GAA: variants seen among roughly 807,000 people sequenced by gnomAD.
The protein encoded by GAA is alpha glucosidase.
In GAA, 88 loss-of-function variants were observed where a neutral mutation model predicts 103.9. The ratio of observed to expected loss-of-function variants is 0.85; its 90% CI spans 0.71 to 1.01. The LOEUF (loss-of-function observed/expected upper bound fraction) is 1.01. Among genes scored for constraint, GAA ranks in the 50% least tolerant of loss-of-function variants. The probability of loss-of-function intolerance (pLI) is 0.00; values close to 1 mark genes in which losing one functional copy is unlikely to be tolerated. For synonymous variants in GAA, 572 were observed against 563.1 expected (o/e 1.02, Z -0.22); for missense variants, 1,350 against 1,305.3 (o/e 1.03, Z -0.53).
rs1005159893 is a variant in GAA at position 80,119,753 on chromosome 17, C to T, written c.*422C>T. On this transcript the variant is annotated 3_prime_UTR_variant, in exon 20 of 20. Transcript: ENST00000302262. ...GCTCTGCCCCAACGCGACCGCTGCCCGGCTGCCCAGAGGGCTGGATGCCTG... is the reference window on the plus strand; with the variant it reads ...GCTCTGCCCCAACGCGACCGCTGCCTGGCTGCCCAGAGGGCTGGATGCCTG... The T allele has an allele frequency of 8.6e-6, 2 of 232,560 alleles. No individual in the cohort carries two copies. Among genetic ancestry groups the T allele is most frequent in the Non-Finnish European group, 1.7e-5 (2 of 115,500 alleles). 14.4% of individuals were successfully genotyped at this position (232,560 alleles called of 1,614,324 possible).
intron 3 of GAA, 85 bp downstream of exon 3, chr17:80,105,979 T>G (rs1043523988): frequency 2.4e-5 from 36 of 1,489,256 alleles, no homozygotes; most frequent in Non-Finnish European, 3.1e-5. Context: ...CGTTTGTTTC[T>G]CACACGATGG....
chr17:80,106,825 G>A (rs2039098930), intron 3 of GAA, among the ~76,000 whole-genome samples: 1 of 152,234 alleles, frequency 6.6e-6, no homozygotes, highest in South Asian at 2.1e-4. Context: ...AGGAGGCTGA[G>A]GCAAGAGGAT....
In GAA at chr17:80,112,648, T is replaced by C. The variant is rs778892297; in HGVS notation, c.1825T>C (p.Tyr609His). Residue 609 changes from tyrosine to histidine, a missense_variant, in exon 13 of 20, where the codon TAC (tyrosine) becomes CAC (histidine). By Grantham distance (83) the Tyr-to-His change is moderately conservative. Coordinates refer to ENST00000302262, the MANE Select transcript of GAA (RefSeq NM_000152.5). ...SRSTFAGHGR[Y>H]AGHWTGDVWS... ...CTCGACCTTTGCTGGCCACGGCCGA[T>C]ACGCCGGCCACTGGACGGGGGACGT... is the stretch of plus-strand genomic sequence containing the variant. 3.9e-5 allele frequency: 63 copies of C among 1,612,610 alleles called. No individual in the cohort carries two copies. The highest frequency in any genetic ancestry group is 5.1e-5 in the Non-Finnish European group (60 of 1,179,906).
chr17:80,107,047 G>A (rs951183651), intron 3 of GAA, among the ~76,000 whole-genome samples: 6 of 152,190 alleles, frequency 3.9e-5, no homozygotes, highest in East Asian at 3.9e-4. Flanking sequence ...AACAGAGGAC[G>A]CGTCTTCCTG....
chr17:80,119,683 G>A lies in GAA; in HGVS notation c.*352G>A, dbSNP rs1176942646. 4 of 357,074 alleles carry A rather than the reference G, an allele frequency of 1.1e-5. No homozygotes were observed. Among genetic ancestry groups the A allele is most frequent in the Non-Finnish European group, 2.2e-5 (4 of 182,914 alleles). The allele number at this position is 357,074 out of a possible 1,614,324, so 22.1% of individuals were successfully genotyped here. On this transcript the variant is annotated 3_prime_UTR_variant, in exon 20 of 20. Transcript: ENST00000302262. ...CAGCACCGGAGAAGGGGGTGCTCAGGTGGAGGTGTGGGGTATGCACCTGAG... is the reference window on the plus strand; with the variant it reads ...CAGCACCGGAGAAGGGGGTGCTCAGATGGAGGTGTGGGGTATGCACCTGAG...
intron 15 of GAA, 157 bp from the exon 16 acceptor site, chr17:80,116,811 C>A: frequency 1.3e-6 from 1 of 746,492 alleles, no homozygotes; most frequent in Non-Finnish European, 2.3e-6. Context: ...CTGCTGGAAT[C>A]ATCCCTGCCC....
At chr17:80,105,995 G>A (rs903576981) in intron 3 of GAA, 101 bp downstream of exon 3, 35 of 1,452,960 alleles carry the variant, frequency 2.4e-5, no homozygotes, top group Non-Finnish European at 3.1e-5. Flanking sequence ...GATGGGCAGG[G>A]CGACACATGT....
In GAA at chr17:80,105,798, A is replaced by G. The variant is rs1042393; in HGVS notation, c.596A>G (p.His199Arg). The G allele has an allele frequency of 0.71, 1,137,205 of 1,610,784 alleles. 405,359 individuals are homozygous for G. Among genetic ancestry groups the G allele is most frequent in the Middle Eastern group, 0.8 (4,837 of 6,050 alleles). The change falls in exon 3 of 20, where the codon CAT becomes CGT. Residue 199 changes from histidine (H) to arginine (R), a missense_variant. His to Arg is a conservative substitution (Grantham distance 29, BLOSUM62 0). Coordinates refer to ENST00000302262, the MANE Select transcript of GAA (RefSeq NM_000152.5). The stretch of plus-strand genomic sequence containing the variant: ...TACGAGGTGCCCTTGGAGACCCCGC[A>G]TGTCCACAGCCGGGCACCGTCCCCA... ...RRYEVPLETP[H>R]VHSRAPSPLY...
intron 3 of GAA, among the ~76,000 whole-genome samples, chr17:80,106,953 G>A (rs1294026141): frequency 5.9e-5 from 9 of 152,182 alleles, no homozygotes; most frequent in Non-Finnish European, 1.2e-4. Context: ...TCAGATCTCG[G>A]TCTTGAAAGC....
rs750668627 is a variant in GAA at position 80,104,947 on chromosome 17, C to T, written c.361C>T (p.Gln121Ter). 1.2e-6 allele frequency: 2 copies of T among 1,612,468 alleles called. No individual in the cohort carries two copies. Among genetic ancestry groups the T allele is most frequent in the Non-Finnish European group, 1.7e-6 (2 of 1,179,816 alleles). ...IPAKQGLQGAQMGQPWCFFPP... is the reference protein window; with the variant it reads ...IPAKQGLQGA ...TGCAAAGCAGGGGCTGCAGGGAGCC[C>T]AGATGGGGCAGCCCTGGTGCTTCTT... Residue 121 changes from glutamine to a stop codon, truncating the protein, a stop_gained, in exon 2 of 20, where the codon CAG (glutamine) becomes TAG (stop). Transcript: ENST00000302262. LOFTEE classifies it high-confidence loss of function. This position sits in a 1 kb window ranked among gnomAD's most constrained non-coding sequence, Gnocchi z 4.0.
intron 4 of GAA, 27 bp from the exon 5 acceptor site, chr17:80,107,773 T>C: frequency 6.2e-7 from 1 of 1,609,802 alleles, no homozygotes; most frequent in Non-Finnish European, 8.5e-7. Context: ...GCGCAGGTGC[T>C]GAAGCGCCGT....
chr17:80,108,894 G>T, intron 8 of GAA, 66 bp downstream of exon 8: 1 of 1,522,078 alleles, frequency 6.6e-7, no homozygotes, highest in Non-Finnish European at 8.9e-7. Flanking sequence ...CTCCTTCTCT[G>T]TGCAGCGTCA....
intron 15 of GAA, among the ~76,000 whole-genome samples, chr17:80,113,873 C>T (rs182456561): frequency 1.4e-5 from 2 of 147,722 alleles, no homozygotes; most frequent in Admixed American, 6.7e-5. Context: ...CAAAAATTAG[C>T]CGTGCATGGT....
At chr17:80,118,417 G>A (rs1169576173) in intron 18 of GAA, 60 bp downstream of exon 18, 1 of 1,555,550 alleles carries the variant, frequency 6.4e-7, no homozygotes, top group African/African-American at 1.3e-5. Flanking sequence ...GAGAAGGGGT[G>A]AGGGGACCTG....
chr17:80,111,011 C>A lies in GAA; in HGVS notation c.1622C>A (p.Pro541Gln). The change falls in exon 11 of 20, where the codon CCA (proline) becomes CAA (glutamine). Residue 541 changes from proline to glutamine, a missense_variant. Physicochemically the swap from Pro to Gln is moderately conservative, Grantham distance 76 (BLOSUM62 -1). Coordinates refer to ENST00000302262, the MANE Select transcript of GAA (RefSeq NM_000152.5). Reference protein sequence around the residue: ...DGCPNNELENPPYVPGVVGGT... With the variant: ...DGCPNNELENQPYVPGVVGGT... ...TGCCCCAACAATGAGCTGGAGAACCCACCCTACGTGCCTGGTCAGCTCGCC... is the reference window on the plus strand; with the variant it reads ...TGCCCCAACAATGAGCTGGAGAACCAACCCTACGTGCCTGGTCAGCTCGCC... 2 of 1,613,894 alleles carry A rather than the reference C, an allele frequency of 1.2e-6. No homozygotes were observed. Among genetic ancestry groups the A allele is most frequent in the South Asian group, 2.2e-5 (2 of 91,080 alleles).
intron 15 of GAA, among the ~76,000 whole-genome samples, chr17:80,115,725 G>A (rs958800754): frequency 3.3e-5 from 5 of 152,150 alleles, no homozygotes; most frequent in Admixed American, 6.5e-5. Context: ...CTCAGGTCTC[G>A]TTGCTATTGC....
In GAA at chr17:80,111,022, C is replaced by T. The variant is rs2143875175; in HGVS notation, c.1633C>T (p.Pro545Ser). 1 of 1,613,724 alleles carries T rather than the reference C, an allele frequency of 6.2e-7. No individual in the cohort carries two copies. The highest frequency in any genetic ancestry group is 8.5e-7 in the Non-Finnish European group (1 of 1,179,940). ...NNELENPPYVPGVVGGTLQAA... is the reference protein window; with the variant it reads ...NNELENPPYVSGVVGGTLQAA... The stretch of plus-strand genomic sequence containing the variant: ...TGAGCTGGAGAACCCACCCTACGTG[C>T]CTGGTCAGCTCGCCCCCCACCTACC... The change falls in exon 11 of 20, where the codon CCT (proline) becomes TCT (serine). Residue 545 changes from proline (P) to serine (S), a missense_variant. Physicochemically the swap from Pro to Ser is moderately conservative, Grantham distance 74. Coordinates refer to ENST00000302262, the MANE Select transcript of GAA (RefSeq NM_000152.5).
Position 80,111,034 on chromosome 17 carries a change from GC to G in GAA, c.1636+15del. ...CCCACCCTACGTGCCTGGTCAGCTC[GC>G]CCCCCACCTACCCTGGGGACTTAAT... is the stretch of plus-strand genomic sequence containing the variant. On this transcript the variant is annotated intron_variant, in intron 11 of 19. Transcript: ENST00000302262. 6.2e-7 allele frequency: 1 copy of G among 1,612,634 alleles called. No homozygotes were observed. Among genetic ancestry groups the G allele is most frequent in the Non-Finnish European group, 8.5e-7 (1 of 1,179,388 alleles).
chr17:80,112,868 C>T lies in GAA; in HGVS notation c.1889-8C>T, dbSNP rs1420546360. 1 of 1,605,616 alleles carries T rather than the reference C, an allele frequency of 6.2e-7. No homozygotes were observed. The highest frequency in any genetic ancestry group is 8.5e-7 in the Non-Finnish European group (1 of 1,176,236). The stretch of plus-strand genomic sequence containing the variant: ...AGCCTGAGGACCAGCCTGACTCTGC[C>T]CTCCCAGAAATCCTGCAGTTTAACC... On this transcript the variant is annotated splice_polypyrimidine_tract_variant and splice_region_variant and intron_variant, in intron 13 of 19. Transcript: ENST00000302262.
Sources: gnomAD v4.1 joint callset for allele counts (sites outside exome capture counted in the v4.1 genomes callset) on GRCh38, gnomAD v4.1.1 for gene constraint, Gnocchi (gnomAD v3.1) non-coding constraint, MANE v1.5 for transcripts, NCBI Gene and HGNC (gene_info 2026-07-23, HGNC 2026-07-21) for gene names.